KLK6: variants seen among roughly 807,000 people sequenced by gnomAD.
The protein encoded by KLK6 is kallikrein-6.
KLK6 carries 16 observed loss-of-function variants against 21.7 expected under a neutral mutation model. That is an observed-to-expected ratio of 0.74 (90% CI 0.50 to 1.12). KLK6 has a LOEUF of 1.12. Ranked by LOEUF, KLK6 falls within the 50% of genes most tolerant of loss-of-function variation. The probability of loss-of-function intolerance (pLI) is 0.00; values close to 1 mark genes in which losing one functional copy is unlikely to be tolerated. For missense variants in KLK6, 276 were observed against 304.6 expected (o/e 0.91, Z 0.70); for synonymous variants, 116 against 120.1 (o/e 0.97, Z 0.22).
Position 50,961,731 on chromosome 19 carries a change from C to T in KLK6, c.582+13G>A, listed in dbSNP as rs545692650. 115 of 1,611,092 alleles carry T rather than the reference C, an allele frequency of 7.1e-5. No homozygotes were observed. The Admixed American group carries it at 1.0e-3, about 14-fold the overall frequency. On this transcript the variant is annotated intron_variant, in intron 6 of 6. Coordinates refer to ENST00000310157, the MANE Select transcript of KLK6 (RefSeq NM_002774.4). The stretch of plus-strand genomic sequence containing the variant: ...TCCCTGGCTGTGTAAGTGGCAGATC[C>T]GGGTCACCTCACCTGGCAGGAATCC...
rs1194454229 is a variant in KLK6 at position 50,963,417 on chromosome 19, C to T, written c.330G>A (p.Leu110=). The part of the protein sequence containing the change: ...AASHDQDIML[L]RLARPAKLSE... ...AGAGTTTGGCTGGGCGTGCCAGGCGCAACAGCATGATGTCCTGGTCATGGC... is the reference window on the plus strand; with the variant it reads ...AGAGTTTGGCTGGGCGTGCCAGGCGTAACAGCATGATGTCCTGGTCATGGC... The change falls in exon 5 of 7, where the codon TTG becomes TTA. Residue 110 remains leucine, a synonymous_variant. Coordinates refer to ENST00000310157, the MANE Select transcript of KLK6 (RefSeq NM_002774.4). 1.9e-6 allele frequency: 3 copies of T among 1,614,212 alleles called. No individual in the cohort carries two copies. The highest frequency in any genetic ancestry group is 1.7e-5 in the Admixed American group (1 of 60,020).
At chr19:50,962,025 C>T (rs2090850477) in intron 5 of KLK6, 145 bp from the exon 6 acceptor site, 1 of 867,708 alleles carries the variant, frequency 1.2e-6, no homozygotes, top group Non-Finnish European at 1.7e-6. Context: ...GTCTCTCATT[C>T]TTACATCTCA....
At chr19:50,968,151 C>T (rs370855778) in intron 2 of KLK6, 39 bp from the exon 3 acceptor site, 25 of 1,575,222 alleles carry the variant, frequency 1.6e-5, no homozygotes, top group African/African-American at 4.1e-5. Flanking sequence ...GTCACTGCCT[C>T]GACCCTCCCC....
Position 50,963,299 on chromosome 19 carries a change from G to A in KLK6, c.445+3C>T. ...TGCTCCCCACCAGCCTCCCACTACT[G>A]ACCATCTGCTGTCTTGCCCCAGCCC... On this transcript the variant is annotated splice_donor_region_variant and intron_variant, in intron 5 of 6. Coordinates refer to ENST00000310157, the MANE Select transcript of KLK6 (RefSeq NM_002774.4). 2 of 1,611,732 alleles carry A rather than the reference G, an allele frequency of 1.2e-6. No homozygotes were observed. Among genetic ancestry groups the A allele is most frequent in the Non-Finnish European group, 1.7e-6 (2 of 1,178,148 alleles).
At position 50,961,852 on chromosome 19, in the gene KLK6, T is replaced by C. The variant is rs1014144202; in HGVS notation, c.474A>G (p.Ala158=). ...DGDFPDTIQC[A]YIHLVSREEC... ...CCTCACGGGACACCAGGTGGATGTA[T>C]GCACACTGGATGGTGTCAGGGAAAT... Residue 158 remains alanine (A), a synonymous_variant, in exon 6 of 7, where the codon GCA becomes GCG. Transcript: ENST00000310157. The C allele has an allele frequency of 3.1e-6, 5 of 1,613,836 alleles. No individual in the cohort carries two copies. In the African/African-American group the frequency reaches 6.7e-5, roughly 22 times the overall value.
intron 4 of KLK6, 62 bp from the exon 5 acceptor site, chr19:50,963,611 A>G (rs1487200692): frequency 1.3e-6 from 2 of 1,585,870 alleles, no homozygotes; most frequent in African/African-American, 1.3e-5. Context: ...GGCTTCAGAG[A>G]GGGCTGGGAA....
chr19:50,967,552 A>ACACAC lies in KLK6; in HGVS notation c.41-228_41-227insGTGTG, dbSNP rs1555781654. ...ACACACACACACACACACACACACA[A>ACACAC]ATTAGCAGGGTATGGTGGCATACGC... On this transcript the variant is annotated intron_variant, in intron 3 of 6. Coordinates refer to ENST00000310157, the MANE Select transcript of KLK6 (RefSeq NM_002774.4). 5.7e-3 allele frequency among the ~76,000 whole-genome samples: 289 copies of ACACAC among 50,628 alleles called. 1 individual carries two copies. Among genetic ancestry groups the ACACAC allele is most frequent in the African/African-American group, 0.029 (225 of 7,870 alleles). 33.2% of individuals were successfully genotyped at this position (50,628 alleles called of 152,430 possible).
intron 6 of KLK6, among the ~76,000 whole-genome samples, chr19:50,959,596 C>T (rs1025935367): frequency 2.9e-5 from 4 of 139,014 alleles, no homozygotes; most frequent in African/African-American, 1.1e-4. Flanking sequence ...ACATAGAGAG[C>T]AAGAAAGAGA....
At chr19:50,964,075 T>G (rs1160000061) in intron 4 of KLK6, among the ~76,000 whole-genome samples, 1 of 152,110 alleles carries the variant, frequency 6.6e-6, no homozygotes, top group East Asian at 1.9e-4. Flanking sequence ...CACAGACATC[T>G]TCTCCTCCCA....
chr19:50,967,474 T>C (rs1668808437), intron 3 of KLK6, 149 bp from the exon 4 acceptor site: 1 of 627,308 alleles, frequency 1.6e-6, no homozygotes, highest in Non-Finnish European at 2.6e-6. Flanking sequence ...GCCCAGGAGT[T>C]TGAGACCAGC....
chr19:50,967,110 T>TGC, intron 4 of KLK6, 59 bp downstream of exon 4: 1 of 1,597,032 alleles, frequency 6.3e-7, no homozygotes, highest in Non-Finnish European at 8.6e-7. Context: ...CTGCCTGACA[T>TGC]CTATAAGACA....
In KLK6 at chr19:50,968,041, C is replaced by A. The variant is rs759030992; in HGVS notation, c.40+24G>T. On this transcript the variant is annotated intron_variant, in intron 3 of 6. Coordinates refer to ENST00000310157, the MANE Select transcript of KLK6 (RefSeq NM_002774.4). ...AGCCCAACCCTGTCTGCAAGCCTCC[C>A]CCATCCAAATGCCCTTTCCCCACCT... 3 of 1,611,782 alleles carry A rather than the reference C, an allele frequency of 1.9e-6. No homozygotes were observed. In the Admixed American group the frequency reaches 5.0e-5, roughly 27 times the overall value.
intron 6 of KLK6, among the ~76,000 whole-genome samples, chr19:50,959,817 A>AGAG (rs151148487): frequency 0.079 from 544 of 6,866 alleles, 109 homozygotes; most frequent in African/African-American, 0.35. Flanking sequence ...AGGAGGAGGA[A>AGAG]GAGGAGGAGG....
intron 1 of KLK6, 81 bp downstream of exon 1, chr19:50,969,409 G>T (rs1243060091): frequency 6.6e-6 from 1 of 152,424 alleles, no homozygotes; most frequent in Non-Finnish European, 1.5e-5. Context: ...GGACCTGCAG[G>T]CCCTCACTCC....
intron 4 of KLK6, 88 bp downstream of exon 4, chr19:50,967,081 G>A: frequency 6.9e-7 from 1 of 1,448,310 alleles, no homozygotes; most frequent in Non-Finnish European, 9.6e-7. Context: ...TGGGATGGGG[G>A]GGATGCCTAT....
At chr19:50,963,647 CCA>C in intron 4 of KLK6, 98 bp from the exon 5 acceptor site, 3 of 1,399,048 alleles carry the variant, frequency 2.1e-6, no homozygotes, top group Non-Finnish European at 3.0e-6. Context: ...CCTGCTCCTC[CCA>C]CAGTCTTCCC....
In KLK6 at chr19:50,959,328, A is replaced by G. The variant is rs1568534629; in HGVS notation, c.583-12T>C. ...CCCCCAGAATCACCCTGCAGGAAAGAGGGAGAAAGTCAGATACAGATAGAA... is the reference window on the plus strand; with the variant it reads ...CCCCCAGAATCACCCTGCAGGAAAGGGGGAGAAAGTCAGATACAGATAGAA... On this transcript the variant is annotated splice_polypyrimidine_tract_variant and intron_variant, in intron 6 of 6. Coordinates refer to ENST00000310157, the MANE Select transcript of KLK6 (RefSeq NM_002774.4). The G allele has an allele frequency of 1.9e-6, 3 of 1,612,398 alleles. No homozygotes were observed. Among genetic ancestry groups the G allele is most frequent in the Non-Finnish European group, 2.5e-6 (3 of 1,179,458 alleles).
chr19:50,960,849 C>T (rs1452933334), intron 6 of KLK6, among the ~76,000 whole-genome samples: 1 of 152,130 alleles, frequency 6.6e-6, no homozygotes, highest in Non-Finnish European at 1.5e-5. Flanking sequence ...CTGCAACAAC[C>T]TCCGCCTCCA....
chr19:50,959,982 AAC>A (rs2090803546), intron 6 of KLK6, among the ~76,000 whole-genome samples: 1 of 46,710 alleles, frequency 2.1e-5, no homozygotes, highest in Non-Finnish European at 3.8e-5. Context: ...GGAAGAGGAG[AAC>A]GAGGAGGAGG....
Sources: allele counts gnomAD v4.1 joint callset (sites outside exome capture counted in the v4.1 genomes callset), GRCh38; gene constraint gnomAD v4.1.1; transcripts MANE v1.5; gene names NCBI Gene and HGNC (gene_info 2026-07-23, HGNC 2026-07-21).